The following ANK1 variants were observed in gnomAD, a reference collection of about 807,000 sequenced individuals.
ANK1 encodes ankyrin 1.
A neutral mutation model predicts 210.4 loss-of-function variants in ANK1; 51 were observed. The ratio of observed to expected loss-of-function variants is 0.24; its 90% confidence interval spans 0.19 to 0.31. The LOEUF (loss-of-function observed/expected upper bound fraction) is 0.31, where lower values mean the gene tolerates loss of function less well. ANK1 is among the 10% of genes least tolerant of loss of function. The probability of loss-of-function intolerance (pLI) is 1.00; values close to 1 mark genes in which losing one functional copy is unlikely to be tolerated. For synonymous variants in ANK1, 967 were observed against 1,025.9 expected, an observed-to-expected ratio of 0.94 and a Z score of 1.10; for missense variants, 2,051 against 2,504.4, an observed-to-expected ratio of 0.82 and a Z score of 3.86.
chr8:41,880,201 G>A (rs1817333736), intron 1 of ANK1, among the ~76,000 whole-genome samples: 1 of 152,150 alleles, frequency 6.6e-6, no homozygotes, highest in African/African-American at 2.4e-5. Context: ...AGTTTTATTG[G>A]AATATGGCCA....
chr8:41,835,019 A>G (rs996457607), intron 1 of ANK1, among the ~76,000 whole-genome samples: 3 of 152,246 alleles, frequency 2.0e-5, no homozygotes, highest in African/African-American at 7.2e-5. Flanking sequence ...GGACCTCACG[A>G]GGCTTCCCTA....
chr8:41,701,469 G>T, intron 22 of ANK1, 81 bp downstream of exon 22: 1 of 1,301,600 alleles, frequency 7.7e-7, no homozygotes, highest in Non-Finnish European at 1.1e-6. Flanking sequence ...GGACAAAGCC[G>T]GCAGGTGGCA....
intron 1 of ANK1, among the ~76,000 whole-genome samples, chr8:41,850,781 C>T (rs1811098678): frequency 6.6e-6 from 1 of 152,176 alleles, no homozygotes; most frequent in East Asian, 1.9e-4. Flanking sequence ...CATGCCTGGC[C>T]CACAATAACT....
intron 38 of ANK1, among the ~76,000 whole-genome samples, chr8:41,669,812 G>T (rs1811708285): frequency 6.6e-6 from 1 of 152,162 alleles, no homozygotes; most frequent in Non-Finnish European, 1.5e-5. Flanking sequence ...TCTCTGCCAG[G>T]TTGCGCCAGC....
At chr8:41,722,119 T>C (rs1829431309) in intron 9 of ANK1, among the ~76,000 whole-genome samples, 1 of 151,956 alleles carries the variant, frequency 6.6e-6, no homozygotes, top group Admixed American at 6.6e-5. Context: ...GGAGAGAGGG[T>C]GGGGGCTCTC....
intron 39 of ANK1, chr8:41,664,314 T>G: frequency 2.7e-6 from 1 of 369,780 alleles, no homozygotes; most frequent in South Asian, 2.0e-5. Flanking sequence ...TCTACAAAAA[T>G]TTTTTTAAAA....
rs1427576087 is a variant in ANK1, at chr8:41,695,204, C to T, written c.3088G>A (p.Asp1030Asn). The change falls in exon 27 of 43, where the codon GAT becomes AAT. Residue 1030 changes from aspartate to asparagine, a missense_variant. Transcript: ENST00000289734. ...HRSRYGESYL[D>N]QILNGMDEEL... ...TCGTCCATCCCGTTGAGGATCTGAT[C>T]CAGGTAGCTCTCTCCATAGCGGCTC... 3.7e-6 allele frequency: 6 copies of T among 1,614,070 alleles called. No homozygotes were observed. The highest frequency in any genetic ancestry group is 3.3e-5 in the Admixed American group (2 of 60,012).
intron 1 of ANK1, among the ~76,000 whole-genome samples, chr8:41,785,674 C>T (rs1846198046): frequency 6.6e-6 from 1 of 152,218 alleles, no homozygotes; most frequent in Non-Finnish European, 1.5e-5. Context: ...GCTCGCTGCG[C>T]ATCCCTGAGG....
chr8:41,879,846 T>C (rs1167786089), intron 1 of ANK1, among the ~76,000 whole-genome samples: 1 of 152,234 alleles, frequency 6.6e-6, no homozygotes, highest in Non-Finnish European at 1.5e-5. Context: ...GAATAATGCC[T>C]CTTCTGCCTC....
chr8:41,895,867 G>T (rs974390776), intron 1 of ANK1, among the ~76,000 whole-genome samples: 12 of 152,268 alleles, frequency 7.9e-5, no homozygotes, highest in African/African-American at 2.9e-4. Context: ...CTCTTCGTCA[G>T]AGTGGGTCAC....
At chr8:41,803,178 G>GGA (rs745467048) in intron 1 of ANK1, among the ~76,000 whole-genome samples, 15 of 149,640 alleles carry the variant, frequency 1.0e-4, no homozygotes, top group East Asian at 2.0e-4. Context: ...AGAGAGGGAG[G>GGA]GAGAGAGAGA....
intron 3 of ANK1, among the ~76,000 whole-genome samples, chr8:41,732,108 A>G (rs939488645): frequency 1.3e-5 from 2 of 152,240 alleles, no homozygotes; most frequent in African/African-American, 4.8e-5. Context: ...ATTTTACCTC[A>G]AGAGATGATT....
intron 20 of ANK1, among the ~76,000 whole-genome samples, chr8:41,703,666 T>C (rs1386985005): frequency 6.6e-6 from 1 of 151,472 alleles, no homozygotes; most frequent in East Asian, 1.9e-4. Context: ...AAAAAAATTT[T>C]TTTTTGTAGA....
At chr8:41,893,662 G>T (rs1819888744) in intron 1 of ANK1, among the ~76,000 whole-genome samples, 1 of 152,168 alleles carries the variant, frequency 6.6e-6, no homozygotes, top group Non-Finnish European at 1.5e-5. Context: ...CCTTTCCTTT[G>T]AGTTAATTCA....
rs116728864 is a variant in ANK1, at chr8:41,731,526, T to G, written c.228+2445A>C. 4.5e-3 allele frequency among the ~76,000 whole-genome samples: 689 copies of G among 152,234 alleles called. 6 individuals are homozygous for G. The highest frequency in any genetic ancestry group is 0.016 in the African/African-American group (655 of 41,560). On this transcript the variant is annotated intron_variant, in intron 3 of 42. Transcript: ENST00000289734. Reference sequence around the variant, plus strand: ...TGCGTTTGTTTTGTGCTTTTAAAATTTCTAAGTACATTTTAGGAATCTAAA... The same window carrying G: ...TGCGTTTGTTTTGTGCTTTTAAAATGTCTAAGTACATTTTAGGAATCTAAA...
rs1013768739 is a variant in ANK1, at chr8:41,846,676, C to T, written c.126+49679G>A. Among the ~76,000 whole-genome samples the T allele has an allele frequency of 5.3e-5, 8 of 152,218 alleles. No individual in the cohort carries two copies. In the South Asian group the frequency reaches 8.3e-4, roughly 16 times the overall value. Reference sequence around the variant, plus strand: ...AGTTAATTGATCCTGGGAATTGATCCGTGCCTTATCCATGGATTCTATTGT... The same window carrying T: ...AGTTAATTGATCCTGGGAATTGATCTGTGCCTTATCCATGGATTCTATTGT... On this transcript the variant is annotated intron_variant, in intron 1 of 42. Coordinates refer to the ANK1 transcript ENST00000265709.
At chr8:41,722,239 C>T (rs761411376) in intron 9 of ANK1, among the ~76,000 whole-genome samples, 4 of 152,184 alleles carry the variant, frequency 2.6e-5, no homozygotes, top group Non-Finnish European at 5.9e-5. Context: ...AGAGGACACC[C>T]TCATGCAACA....
intron 2 of ANK1, among the ~76,000 whole-genome samples, chr8:41,743,536 G>A (rs1257071759): frequency 1.3e-5 from 2 of 152,100 alleles, no homozygotes; most frequent in African/African-American, 2.4e-5. Context: ...TGGAGATGTC[G>A]GCCTTAGAGG....
chr8:41,851,676 C>T (rs1811277712), intron 1 of ANK1, among the ~76,000 whole-genome samples: 1 of 152,192 alleles, frequency 6.6e-6, no homozygotes, highest in Non-Finnish European at 1.5e-5. Flanking sequence ...CACAGCAAGA[C>T]CTCATCTCTA....
Sources: allele counts gnomAD v4.1 joint callset (sites outside exome capture counted in the v4.1 genomes callset), GRCh38; gene constraint gnomAD v4.1.1; transcripts MANE v1.5; gene names NCBI Gene and HGNC (gene_info 2026-07-23, HGNC 2026-07-21).